Variants in FRMD6 observed in about 807,000 individuals in gnomAD.
The protein encoded by FRMD6 is FERM domain-containing protein 6.
FRMD6 carries 37 observed loss-of-function variants against 73.2 expected under a neutral mutation model. The ratio of observed to expected loss-of-function variants is 0.51; its 90% CI spans 0.39 to 0.66. The LOEUF is 0.66. FRMD6 is among the 30% of genes least tolerant of loss of function. The pLI, the probability that FRMD6 is intolerant of heterozygous loss-of-function variation, is 0.00. For synonymous variants in FRMD6, 273 were observed against 282.2 expected (o/e 0.97, Z 0.33); for missense variants, 714 against 780.5 (o/e 0.91, Z 1.02).
chr14:51,488,469 G>A (rs997165162), upstream of FRMD6, among the ~76,000 whole-genome samples: 8 of 152,194 alleles, frequency 5.3e-5, no homozygotes, highest in African/African-American at 1.9e-4. Flanking sequence ...CACATGGGTA[G>A]TCAACAGCAG....
chr14:51,520,068 C>A (rs968959390), intron 1 of FRMD6, among the ~76,000 whole-genome samples: 3 of 152,092 alleles, frequency 2.0e-5, no homozygotes, highest in Non-Finnish European at 2.9e-5. Context: ...ATTCACAATA[C>A]ATATATATGT....
the FRMD6 span, among the ~76,000 whole-genome samples, chr14:51,452,850 T>G: frequency 6.6e-6 from 1 of 152,074 alleles, no homozygotes; most frequent in East Asian, 1.9e-4. Context: ...GAGCAGTCAT[T>G]AGGGTCAACG....
chr14:51,617,599 T>C (rs1890764570), intron 2 of FRMD6, among the ~76,000 whole-genome samples: 1 of 152,214 alleles, frequency 6.6e-6, no homozygotes, highest in Non-Finnish European at 1.5e-5. Context: ...TACTTCCATT[T>C]CCTTATCTGT....
intron 1 of FRMD6, among the ~76,000 whole-genome samples, chr14:51,493,276 C>T (rs1883117618): frequency 6.6e-6 from 1 of 152,176 alleles, no homozygotes; most frequent in Non-Finnish European, 1.5e-5. Flanking sequence ...ATTTCTAACA[C>T]AATTTTATTT....
chr14:51,689,926 C>T lies in FRMD6; in HGVS notation c.90C>T (p.Ile30=). 1.9e-6 allele frequency: 3 copies of T among 1,598,818 alleles called. No homozygotes were observed. Among genetic ancestry groups the T allele is most frequent in the Non-Finnish European group, 2.6e-6 (3 of 1,165,998 alleles). ...IFLPNDESLN[I]IINVKILCHQ... ...TTCCCAACGATGAATCTCTGAACATCATCATAAATGTGAGTAGATCCAGTT... is the reference window on the plus strand; with the variant it reads ...TTCCCAACGATGAATCTCTGAACATTATCATAAATGTGAGTAGATCCAGTT... Residue 30 remains isoleucine, a synonymous_variant, in exon 2 of 14, where the codon ATC becomes ATT. Coordinates refer to ENST00000344768, the MANE Select transcript of FRMD6 (RefSeq NM_001267046.2).
intron 13 of FRMD6, among the ~76,000 whole-genome samples, chr14:51,727,169 A>G (rs1289929443): frequency 6.6e-6 from 1 of 152,160 alleles, no homozygotes; most frequent in African/African-American, 2.4e-5. Context: ...AGCACCAAGA[A>G]CACTTTATAT....
intron 2 of FRMD6, among the ~76,000 whole-genome samples, chr14:51,641,082 C>T (rs896631874): frequency 1.1e-4 from 16 of 152,134 alleles, no homozygotes; most frequent in Middle Eastern, 3.4e-3. Flanking sequence ...GCAATTCTCA[C>T]GCCTCAGCCT....
At chr14:51,673,759 T>G (rs1194920605) in intron 1 of FRMD6, among the ~76,000 whole-genome samples, 1 of 152,216 alleles carries the variant, frequency 6.6e-6, no homozygotes, top group Non-Finnish European at 1.5e-5. Context: ...TAATTATGTG[T>G]GGAATATGAT....
the FRMD6 span, among the ~76,000 whole-genome samples, chr14:51,422,506 TATATG>T: frequency 6.6e-6 from 1 of 152,168 alleles, no homozygotes; most frequent in East Asian, 1.9e-4. Context: ...AATAAAAAAT[TATATG>T]AAGGAAATTA....
intron 1 of FRMD6, among the ~76,000 whole-genome samples, chr14:51,674,369 T>C (rs1189329308): frequency 1.3e-5 from 2 of 152,106 alleles, no homozygotes; most frequent in African/African-American, 4.8e-5. Flanking sequence ...TTGTAGGCAA[T>C]ATATAGTCTT....
At chr14:51,624,210 C>T (rs1164181004) in intron 2 of FRMD6, among the ~76,000 whole-genome samples, 3 of 152,110 alleles carry the variant, frequency 2.0e-5, no homozygotes, top group Non-Finnish European at 4.4e-5. Flanking sequence ...AGGCTTAATA[C>T]CTGCTGGGTG....
chr14:51,431,848 G>A, the FRMD6 span, among the ~76,000 whole-genome samples: 1 of 152,144 alleles, frequency 6.6e-6, no homozygotes, highest in African/African-American at 2.4e-5. Flanking sequence ...TTAGGTGTCA[G>A]GCTAAAAGAG....
intron 9 of FRMD6, among the ~76,000 whole-genome samples, chr14:51,713,062 C>T (rs1483873097): frequency 2.0e-5 from 3 of 152,130 alleles, no homozygotes; most frequent in Admixed American, 1.3e-4. Context: ...GTTAGAGCAA[C>T]GTCTTGATTT....
At chr14:51,648,821 C>A (rs993232859), upstream of FRMD6, among the ~76,000 whole-genome samples, 1 of 152,144 alleles carries the variant, frequency 6.6e-6, no homozygotes, top group Admixed American at 6.5e-5. Flanking sequence ...AATGAATAAC[C>A]TGTTCCTAAG....
chr14:51,591,375 A>G (rs1376061485), intron 2 of FRMD6, among the ~76,000 whole-genome samples: 2 of 152,228 alleles, frequency 1.3e-5, no homozygotes, highest in Non-Finnish European at 2.9e-5. Flanking sequence ...GTGGAAGCTG[A>G]TCCAGACTTA....
chr14:51,418,152 T>C, the FRMD6 span, among the ~76,000 whole-genome samples: 1 of 152,246 alleles, frequency 6.6e-6, no homozygotes, highest in Non-Finnish European at 1.5e-5. Flanking sequence ...AGCCTACTCC[T>C]GTCAGCTTGT....
At chr14:51,636,744 C>CG (rs376457277) in intron 2 of FRMD6, among the ~76,000 whole-genome samples, 10 of 152,200 alleles carry the variant, frequency 6.6e-5, no homozygotes, top group African/African-American at 2.4e-4. Flanking sequence ...CTTGTTTCCC[C>CG]GGGGCCACGG....
intron 1 of FRMD6, among the ~76,000 whole-genome samples, chr14:51,567,900 G>A (rs193265821): frequency 4.6e-5 from 7 of 152,308 alleles, no homozygotes; most frequent in African/African-American, 1.2e-4. Context: ...AATGTTTGCA[G>A]TTGGTATTTT....
intron 2 of FRMD6, among the ~76,000 whole-genome samples, chr14:51,582,114 C>T (rs1888759907): frequency 6.6e-6 from 1 of 152,232 alleles, no homozygotes; most frequent in African/African-American, 2.4e-5. Context: ...CTACGTCATA[C>T]ATACTGACTA....
Sources: gnomAD v4.1 joint callset for allele counts (sites outside exome capture counted in the v4.1 genomes callset) on GRCh38, gnomAD v4.1.1 for gene constraint, MANE v1.5 for transcripts, NCBI Gene and HGNC (gene_info 2026-07-23, HGNC 2026-07-21) for gene names.